The following MCF2L2 variants were observed in gnomAD, a reference collection of about 807,000 sequenced individuals.
The protein encoded by MCF2L2 is MCF.2 cell line derived transforming sequence-like 2.
In MCF2L2, 102 loss-of-function variants were observed where a neutral mutation model predicts 150.2. That is an observed-to-expected ratio of 0.68 (90% CI 0.58 to 0.80). MCF2L2 has a LOEUF of 0.80. MCF2L2 is among the 30% of genes least tolerant of loss of function. The pLI, the probability that MCF2L2 is intolerant of heterozygous loss-of-function variation, is 0.00. For synonymous variants in MCF2L2, 465 were observed against 491.3 expected, an observed-to-expected ratio of 0.95 and a Z score of 0.71; for missense variants, 1,256 against 1,372.8, an observed-to-expected ratio of 0.91 and a Z score of 1.34.
chr3:183,300,468 A>C (rs1728784582), intron 10 of MCF2L2, among the ~76,000 whole-genome samples: 1 of 152,372 alleles, frequency 6.6e-6, no homozygotes, highest in Admixed American at 6.5e-5. Flanking sequence ...TAACAAGCCC[A>C]AAATTTTCAG....
At chr3:183,259,375 T>G (rs779734177) in intron 15 of MCF2L2, among the ~76,000 whole-genome samples, 1 of 152,196 alleles carries the variant, frequency 6.6e-6, no homozygotes, top group Non-Finnish European at 1.5e-5. Context: ...GGGCTGGGTA[T>G]GCATTTTAGG....
chr3:183,254,272 G>A (rs1724811473), intron 15 of MCF2L2: 1 of 151,948 alleles, frequency 6.6e-6, no homozygotes, highest in Non-Finnish European at 1.5e-5. Context: ...CGTGGCTGGC[G>A]TGGACACCGG....
At chr3:183,229,925 T>C (rs940778492) in intron 16 of MCF2L2, 144 bp from the exon 17 acceptor site, 4 of 434,334 alleles carry the variant, frequency 9.2e-6, no homozygotes, top group South Asian at 6.3e-5. Flanking sequence ...TATTGAGTAC[T>C]TTCTTTTGAT....
In MCF2L2 at chr3:183,358,010, G is replaced by A. The variant is rs563419721; in HGVS notation, c.276-16380C>T. On this transcript the variant is annotated intron_variant, in intron 3 of 29. Transcript: ENST00000328913. The stretch of plus-strand genomic sequence containing the variant: ...ACAGAAGAGTATGGTATTAGTGGCC[G>A]GGTGCCGTGGCTTACACCTGTAATC... 6.6e-5 allele frequency among the ~76,000 whole-genome samples: 10 copies of A among 152,288 alleles called. No individual in the cohort carries two copies. The South Asian group carries it at 8.3e-4, about 13-fold the overall frequency.
At chr3:183,294,083 G>A (rs1728319020) in intron 13 of MCF2L2, among the ~76,000 whole-genome samples, 1 of 152,020 alleles carries the variant, frequency 6.6e-6, no homozygotes, top group Non-Finnish European at 1.5e-5. Context: ...AAAATTTATG[G>A]AACAATGAAA....
In MCF2L2 at chr3:183,228,316, G is replaced by A. The variant is rs754314047; in HGVS notation, c.2096C>T (p.Ala699Val). 2.4e-5 allele frequency: 38 copies of A among 1,613,372 alleles called. No homozygotes were observed. Among genetic ancestry groups the A allele is most frequent in the Non-Finnish European group, 3.1e-5 (37 of 1,179,448 alleles). Residue 699 changes from alanine (A) to valine (V), a missense_variant, in exon 18 of 30, where the codon GCA becomes GTA. Ala to Val is a moderately conservative substitution (Grantham distance 64). Coordinates refer to ENST00000328913, the MANE Select transcript of MCF2L2 (RefSeq NM_015078.4). ...ACTTACTCTCTTGAGAAAGCAATGT[G>A]CCAGAAGTTCAGGGTTCTCAGCACA... ...EKCAENPELL[A>V]HCFLKRKEDL...
At position 183,283,522 on chromosome 3, in the gene MCF2L2, T is replaced by C. The variant is rs549795841; in HGVS notation, c.1776+5598A>G. On this transcript the variant is annotated intron_variant, in intron 14 of 29. Transcript: ENST00000328913. This position sits in a 1 kb window ranked among gnomAD's most constrained non-coding sequence, Gnocchi z 4.2. ...TCTTACCCACCTTTCAGAGTTCTATTTATTCTTTTTTTTTTTTTAGATGGA... is the reference window on the plus strand; with the variant it reads ...TCTTACCCACCTTTCAGAGTTCTATCTATTCTTTTTTTTTTTTTAGATGGA... Among the ~76,000 whole-genome samples, 2 of 151,944 alleles carry C rather than the reference T, an allele frequency of 1.3e-5. No homozygotes were observed. The highest frequency in any genetic ancestry group is 4.8e-5 in the African/African-American group (2 of 41,394).
intron 15 of MCF2L2, among the ~76,000 whole-genome samples, chr3:183,245,518 G>A (rs1724211790): frequency 6.6e-6 from 1 of 152,146 alleles, no homozygotes. Flanking sequence ...GCTGGCCAGG[G>A]GAGGTATAGG....
intron 3 of MCF2L2, chr3:183,375,556 T>C (rs1190220208): frequency 6.6e-6 from 1 of 152,194 alleles, no homozygotes; most frequent in East Asian, 1.9e-4. Flanking sequence ...TTTCAGTCCT[T>C]TACAGCATCG....
intron 27 of MCF2L2, among the ~76,000 whole-genome samples, chr3:183,191,011 G>A (rs577882137): frequency 1.4e-4 from 22 of 152,058 alleles, no homozygotes; most frequent in African/African-American, 5.1e-4. Context: ...TCAGCCTCCC[G>A]AGTAGCTGGG....
At chr3:183,327,327 AAAATAAATAAAAAT>A (rs1405407168) in intron 5 of MCF2L2, among the ~76,000 whole-genome samples, 1 of 151,892 alleles carries the variant, frequency 6.6e-6, no homozygotes, top group African/African-American at 2.4e-5. Context: ...TCTGTCTCAA[AAAATAAATAAAAAT>A]AAATAAATAA....
chr3:183,229,527 C>T (rs1283539566), intron 17 of MCF2L2, 139 bp downstream of exon 17: 2 of 499,190 alleles, frequency 4.0e-6, no homozygotes, highest in South Asian at 3.0e-5. Context: ...CTCCAACCCA[C>T]CCCAATCCAA....
At chr3:183,416,845 C>T (rs144587164) in intron 1 of MCF2L2, among the ~76,000 whole-genome samples, 1,725 of 152,124 alleles carry the variant, frequency 0.011, 26 homozygotes, top group African/African-American at 0.04. Flanking sequence ...AGTGGTGGCT[C>T]ACACCTGTAA....
intron 1 of MCF2L2, among the ~76,000 whole-genome samples, chr3:183,411,116 A>AT (rs1715296336): frequency 1.3e-5 from 2 of 152,184 alleles, no homozygotes; most frequent in African/African-American, 4.8e-5. Context: ...TGGTCCTGCC[A>AT]CTTACCAGCA....
At chr3:183,316,713 TTTG>T (rs1384898412) in intron 7 of MCF2L2, among the ~76,000 whole-genome samples, 1 of 145,918 alleles carries the variant, frequency 6.9e-6, no homozygotes, top group African/African-American at 2.5e-5. Flanking sequence ...TGTTGTTGTT[TTTG>T]TTGTTTTGAG....
rs780533114 is a variant in MCF2L2, at chr3:183,428,105, C to A, written c.-128G>T. On this transcript the variant is annotated 5_prime_UTR_variant, in exon 1 of 30. Coordinates refer to ENST00000328913, the MANE Select transcript of MCF2L2 (RefSeq NM_015078.4). The surrounding 1 kb of genome is among the most constrained non-coding windows in gnomAD (Gnocchi z 5.1). ...CTCGCCCTCTTCCTGGCTCTCCAGG[C>A]AAGAAACGAGAGTCCCTCGCAGCCT... is the stretch of plus-strand genomic sequence containing the variant. 1.5e-5 allele frequency: 11 copies of A among 723,874 alleles called. No homozygotes were observed. The highest frequency in any genetic ancestry group is 2.2e-5 in the Non-Finnish European group (9 of 415,112). 44.8% of individuals were successfully genotyped at this position (723,874 alleles called of 1,614,324 possible).
intron 1 of MCF2L2, among the ~76,000 whole-genome samples, chr3:183,418,179 C>T (rs1446379727): frequency 6.6e-6 from 1 of 152,080 alleles, no homozygotes; most frequent in African/African-American, 2.4e-5. Flanking sequence ...CAGAGCAAGA[C>T]TCCATCTCAA....
At chr3:183,281,906 T>G (rs1727506719) in intron 14 of MCF2L2, among the ~76,000 whole-genome samples, 1 of 150,492 alleles carries the variant, frequency 6.6e-6, no homozygotes, top group South Asian at 2.1e-4. Context: ...TTTTTTTTTT[T>G]TTTTTTGAGA....
chr3:183,230,998 G>A lies in MCF2L2; in HGVS notation c.1882C>T (p.Leu628Phe). The A allele has an allele frequency of 1.2e-6, 2 of 1,613,772 alleles. No individual in the cohort carries two copies. Among genetic ancestry groups the A allele is most frequent in the Non-Finnish European group, 1.7e-6 (2 of 1,179,844 alleles). ...SPRRRIIRDL[L>F]ETEEIYIKEI... ...TTTATGTAAATCTCTTCAGTCTCAA[G>A]CAAGTCACGTATAATGCGCCTGAAT... is the stretch of plus-strand genomic sequence containing the variant. Residue 628 changes from leucine to phenylalanine, a missense_variant, in exon 16 of 30, where the codon CTT becomes TTT. Transcript: ENST00000328913.
Sources: allele counts gnomAD v4.1 joint callset (sites outside exome capture counted in the v4.1 genomes callset), GRCh38; gene constraint gnomAD v4.1.1; non-coding constraint Gnocchi (gnomAD v3.1); transcripts MANE v1.5; gene names NCBI Gene and HGNC (gene_info 2026-07-23, HGNC 2026-07-21).